PIP5K1B: variants seen among roughly 807,000 people sequenced by gnomAD.
PIP5K1B encodes phosphatidylinositol-4-phosphate 5-kinase type 1 beta.
PIP5K1B carries 42 observed loss-of-function variants against 67.0 expected under a neutral mutation model. That is an observed-to-expected ratio of 0.63 (90% CI 0.49 to 0.81). PIP5K1B has a LOEUF of 0.81. Ranked by LOEUF, PIP5K1B falls within the 30% of genes least tolerant of loss-of-function variation. The pLI is 0.00. For missense variants in PIP5K1B, 459 were observed against 646.3 expected (o/e 0.71, Z 3.14); for synonymous variants, 214 against 231.4 (o/e 0.92, Z 0.68).
At chr9:68,757,359 T>C (rs1290757371) in intron 2 of PIP5K1B, among the ~76,000 whole-genome samples, 1 of 151,784 alleles carries the variant, frequency 6.6e-6, no homozygotes, top group East Asian at 1.9e-4. Flanking sequence ...AAGAAAGAGG[T>C]TGGCATTACT....
At position 68,893,612 on chromosome 9, in the gene PIP5K1B, G is replaced by A. The variant is rs140344401; in HGVS notation, c.472-727G>A. On this transcript the variant is annotated intron_variant, in intron 7 of 15. Transcript: ENST00000265382. ...CTCCCAAAGTGCTGGGATTACAGGC[G>A]TGAGCCACAGTGCCCAGCCTCCCTG... Among the ~76,000 whole-genome samples the A allele has an allele frequency of 5.7e-4, 86 of 152,120 alleles. No homozygotes were observed. In the East Asian group the frequency reaches 0.015, roughly 27 times the overall value.
chr9:68,911,746 G>T (rs1447032414), intron 8 of PIP5K1B, among the ~76,000 whole-genome samples: 5 of 152,060 alleles, frequency 3.3e-5, no homozygotes, highest in Non-Finnish European at 7.4e-5. Context: ...AGTCAGGTGT[G>T]GTGGCATGTG....
chr9:68,892,306 G>T (rs963478058), intron 7 of PIP5K1B, among the ~76,000 whole-genome samples: 3 of 152,170 alleles, frequency 2.0e-5, no homozygotes, highest in African/African-American at 7.2e-5. Context: ...CAGAAAGATT[G>T]TAAGAATGGA....
chr9:68,929,285 T>C (rs1826871817), intron 12 of PIP5K1B, among the ~76,000 whole-genome samples: 2 of 152,098 alleles, frequency 1.3e-5, no homozygotes, highest in South Asian at 4.1e-4. Context: ...GAATATACCA[T>C]GTATACTGGG....
intron 12 of PIP5K1B, among the ~76,000 whole-genome samples, chr9:68,931,849 A>G (rs1383720475): frequency 1.3e-5 from 2 of 152,216 alleles, no homozygotes; most frequent in African/African-American, 4.8e-5. Flanking sequence ...GCCACACAAA[A>G]GGAAGCAACC....
At chr9:68,937,994 T>G (rs550382216) in intron 13 of PIP5K1B, among the ~76,000 whole-genome samples, 4 of 152,342 alleles carry the variant, frequency 2.6e-5, no homozygotes, top group African/African-American at 9.6e-5. Context: ...CTTTTGCATT[T>G]GCTGAGGAGT....
At chr9:68,759,539 G>A (rs1446221542) in intron 2 of PIP5K1B, among the ~76,000 whole-genome samples, 2 of 151,924 alleles carry the variant, frequency 1.3e-5, no homozygotes, top group African/African-American at 2.4e-5. Flanking sequence ...AATGAAAAAC[G>A]GAAGAAACAA....
At chr9:68,841,617 A>G (rs190546041) in intron 4 of PIP5K1B, among the ~76,000 whole-genome samples, 8 of 152,348 alleles carry the variant, frequency 5.3e-5, no homozygotes, top group Non-Finnish European at 1.5e-5. Context: ...TGAAAATGGA[A>G]CATTAGCTAT....
chr9:68,940,381 T>C (rs1827497452), intron 13 of PIP5K1B, among the ~76,000 whole-genome samples: 2 of 152,212 alleles, frequency 1.3e-5, no homozygotes, highest in Admixed American at 6.5e-5. Context: ...TAAATCACTT[T>C]ATTAGGTTTT....
At chr9:68,920,975 C>G (rs932448817) in intron 11 of PIP5K1B, among the ~76,000 whole-genome samples, 10 of 152,186 alleles carry the variant, frequency 6.6e-5, no homozygotes, top group Non-Finnish European at 1.2e-4. Flanking sequence ...TTAGCAGATA[C>G]TTTCTTTTGA....
At chr9:68,835,086 A>G (rs892172328) in intron 4 of PIP5K1B, among the ~76,000 whole-genome samples, 1 of 152,230 alleles carries the variant, frequency 6.6e-6, no homozygotes, top group Admixed American at 6.5e-5. Flanking sequence ...ATCATAGTCA[A>G]TGCCCTTTTC....
At chr9:68,707,725 G>A (rs1024247817) in intron 1 of PIP5K1B, 1 of 152,058 alleles carries the variant, frequency 6.6e-6, no homozygotes, top group African/African-American at 2.4e-5. Flanking sequence ...TGTGTATTCT[G>A]CCATCATTTC....
chr9:68,905,440 TG>T (rs1486787343), intron 8 of PIP5K1B, among the ~76,000 whole-genome samples: 1 of 141,900 alleles, frequency 7.0e-6, no homozygotes, highest in African/African-American at 2.9e-5. Context: ...CCAAAAGAGA[TG>T]TTAGGGGCAG....
At chr9:68,779,654 A>G (rs1449506984) in intron 2 of PIP5K1B, among the ~76,000 whole-genome samples, 3 of 152,126 alleles carry the variant, frequency 2.0e-5, no homozygotes, top group African/African-American at 7.2e-5. Flanking sequence ...CCCGCCTGCC[A>G]ACTGGCTGGG....
intron 4 of PIP5K1B, among the ~76,000 whole-genome samples, chr9:68,852,485 G>A (rs1302076169): frequency 6.6e-6 from 1 of 152,134 alleles, no homozygotes; most frequent in African/African-American, 2.4e-5. Flanking sequence ...CCCTTAAGGA[G>A]GGAGGGATGG....
At chr9:68,837,608 T>TG (rs1491289080) in intron 4 of PIP5K1B, among the ~76,000 whole-genome samples, 1 of 8,966 alleles carries the variant, frequency 1.1e-4, no homozygotes, top group Non-Finnish European at 3.1e-4. Flanking sequence ...TTACTTTGTG[T>TG]TTTTTTTTTT....
chr9:68,746,764 C>T (rs771983612), intron 2 of PIP5K1B, among the ~76,000 whole-genome samples: 7 of 152,144 alleles, frequency 4.6e-5, no homozygotes, highest in African/African-American at 1.2e-4. Flanking sequence ...CAGAACCTGC[C>T]GAGGTAGCAG....
intron 4 of PIP5K1B, among the ~76,000 whole-genome samples, chr9:68,853,760 C>T (rs1450980613): frequency 6.6e-6 from 1 of 152,112 alleles, no homozygotes. Flanking sequence ...CAGAGGAATG[C>T]AATAGCCATT....
At chr9:68,890,026 T>C (rs1187156894) in intron 7 of PIP5K1B, among the ~76,000 whole-genome samples, 2 of 152,158 alleles carry the variant, frequency 1.3e-5, no homozygotes, top group Non-Finnish European at 2.9e-5. Context: ...AAAGATAAAT[T>C]AAGTAACTTG....
Sources: allele counts gnomAD v4.1 joint callset (sites outside exome capture counted in the v4.1 genomes callset), GRCh38; gene constraint gnomAD v4.1.1; transcripts MANE v1.5; gene names NCBI Gene and HGNC (gene_info 2026-07-23, HGNC 2026-07-21).